HECTD3: variants seen among roughly 807,000 people sequenced by gnomAD.
HECTD3 encodes the protein E3 ubiquitin-protein ligase HECTD3.
Under a neutral mutation model 109.3 loss-of-function variants are expected in HECTD3, and 72 were observed. The observed-to-expected ratio is 0.66, with a 90% CI of 0.54 to 0.80. The LOEUF is 0.80. Among genes scored for constraint, HECTD3 ranks in the 30% least tolerant of loss-of-function variants. The probability of loss-of-function intolerance (pLI) is 0.00; values close to 1 mark genes in which losing one functional copy is unlikely to be tolerated. For synonymous variants in HECTD3, 481 were observed against 471.8 expected, an observed-to-expected ratio of 1.02 and a Z score of -0.25; for missense variants, 1,041 against 1,165.2, an observed-to-expected ratio of 0.89 and a Z score of 1.55.
In HECTD3 at chr1:45,004,755, T is replaced by G; in HGVS notation, c.1987A>C (p.Lys663Gln). The part of the protein sequence containing the change: ...EGMDKETFEF[K>Q]FGKELTFTTV... Reference sequence around the variant, plus strand: ...GTGAATGTTAGTTCCTTCCCAAACTTGAACTCAAACGTCTCCTTGTCCATT... The same window carrying G: ...GTGAATGTTAGTTCCTTCCCAAACTGGAACTCAAACGTCTCCTTGTCCATT... Residue 663 changes from lysine to glutamine, a missense_variant, in exon 16 of 21, where the codon AAG (lysine) becomes CAG (glutamine). Physicochemically the swap from Lys to Gln is moderately conservative, Grantham distance 53 (BLOSUM62 1). Around this residue, in one of 2 missense-constraint regions of HECTD3, gnomAD observed 569 missense variants for 715.3 expected, o/e 0.80. Transcript: ENST00000372172. 1 of 1,614,216 alleles carries G rather than the reference T, an allele frequency of 6.2e-7. No homozygotes were observed. The highest frequency in any genetic ancestry group is 8.5e-7 in the Non-Finnish European group (1 of 1,180,042).
In HECTD3 at chr1:45,006,582, G is replaced by A. The variant is rs561249684; in HGVS notation, c.1725+110C>T. The A allele has an allele frequency of 1.1e-4, 100 of 883,750 alleles. 2 individuals carry two copies. Among genetic ancestry groups the A allele is most frequent in the South Asian group, 8.7e-4 (52 of 59,762 alleles). 54.7% of individuals were successfully genotyped at this position (883,750 alleles called of 1,614,324 possible). On this transcript the variant is annotated intron_variant, in intron 13 of 20. Coordinates refer to ENST00000372172, the MANE Select transcript of HECTD3 (RefSeq NM_024602.6). The surrounding 1 kb of genome is among the most constrained non-coding windows in gnomAD (Gnocchi z 4.7). ...TTCCCAAAGTGCTGGGATTACAGGC[G>A]TGAGCCACTGTGCCTGCCCCCTTTC...
Position 45,007,405 on chromosome 1 carries a change from G to T in HECTD3, c.1503+8C>A. 6.2e-7 allele frequency: 1 copy of T among 1,613,876 alleles called. No individual in the cohort carries two copies. The highest frequency in any genetic ancestry group is 1.7e-5 in the Admixed American group (1 of 60,014). On this transcript the variant is annotated splice_region_variant and intron_variant, in intron 10 of 20. Transcript: ENST00000372172. The stretch of plus-strand genomic sequence containing the variant: ...TCCTATCTCAGTCGGACCCTAGGTG[G>T]TGCAGACCTGGGTGAAGACTGCATT...
Position 45,009,485 on chromosome 1 carries a change from G to A in HECTD3, c.876-3C>T, listed in dbSNP as rs1179124406. On this transcript the variant is annotated splice_region_variant and splice_polypyrimidine_tract_variant and intron_variant, in intron 5 of 20. Transcript: ENST00000372172. Reference sequence around the variant, plus strand: ...TATCCACTGTGAGTAGCAGCTTCCTGAAGGGTCAGAGTGTGAATATGAGTC... The same window carrying A: ...TATCCACTGTGAGTAGCAGCTTCCTAAAGGGTCAGAGTGTGAATATGAGTC... 14 of 1,612,554 alleles carry A rather than the reference G, an allele frequency of 8.7e-6. No individual in the cohort carries two copies. Among genetic ancestry groups the A allele is most frequent in the African/African-American group, 2.7e-5 (2 of 74,878 alleles).
chr1:45,004,018 C>T (rs1339055198), intron 18 of HECTD3, 42 bp downstream of exon 18: 4 of 1,613,284 alleles, frequency 2.5e-6, no homozygotes. Flanking sequence ...AACTCAGCAG[C>T]AGAGTCCAAA....
In HECTD3 at chr1:45,006,033, C is replaced by T; in HGVS notation, c.1809G>A (p.Gln603=). 6.2e-6 allele frequency: 10 copies of T among 1,614,186 alleles called. No individual in the cohort carries two copies. Among genetic ancestry groups the T allele is most frequent in the Non-Finnish European group, 8.5e-6 (10 of 1,180,040 alleles). ...RDFAKYEWIG[Q]LMGAALRGKE... ...TACCCCGAAGGGCAGCCCCCATCAG[C>T]TGTCCGATCCATTCATACTTGGCAA... The change falls in exon 14 of 21, where the codon CAG becomes CAA. Residue 603 remains glutamine, a synonymous_variant. Coordinates refer to ENST00000372172, the MANE Select transcript of HECTD3 (RefSeq NM_024602.6). The surrounding 1 kb of genome is among the most constrained non-coding windows in gnomAD (Gnocchi z 4.7).
At position 45,003,367 on chromosome 1, in the gene HECTD3, GGAGCAGGGCACATGGGGTTTTGCT is replaced by G. The variant is rs1292804226; in HGVS notation, c.*101_*124del. 2.5e-6 allele frequency: 2 copies of G among 798,054 alleles called. No individual in the cohort carries two copies. Among genetic ancestry groups the G allele is most frequent in the African/African-American group, 3.4e-5 (2 of 58,832 alleles). The allele number at this position is 798,054 out of a possible 1,614,324, so 49.4% of individuals were successfully genotyped here. On this transcript the variant is annotated 3_prime_UTR_variant, in exon 21 of 21. Transcript: ENST00000372172. The surrounding 1 kb of genome is among the most constrained non-coding windows in gnomAD (Gnocchi z 4.7). The stretch of plus-strand genomic sequence containing the variant: ...GCTGCCCCTACCCCAACTGCACACA[GGAGCAGGGCACATGGGGTTTTGCT>G]GAGCACGTCAGCCAAACCAGGGCAG...
At chr1:45,005,659 T>G in intron 15 of HECTD3, 135 bp downstream of exon 15, 1 of 662,992 alleles carries the variant, frequency 1.5e-6, no homozygotes, top group South Asian at 2.4e-5. Flanking sequence ...CTACAGACAG[T>G]AGTTGAAGCC....
At chr1:45,008,745 C>T (rs1644758186) in intron 7 of HECTD3, 44 bp from the exon 8 acceptor site, 1 of 1,577,672 alleles carries the variant, frequency 6.3e-7, no homozygotes, top group Non-Finnish European at 8.7e-7. Flanking sequence ...GCACCTGCTG[C>T]CTCCTTGGCC....
Position 45,010,622 on chromosome 1 carries a change from G to T in HECTD3, c.454C>A (p.Leu152Met), listed in dbSNP as rs1292011165. ...TGGTTGGGAGTGTCGATGGGTACCA[G>T]GCGGGCTCCGCCCTCCGCCGGGCGG... Reference protein sequence around the residue: ...VCRPAEGGARLVPIDTPNHLQ... With the variant: ...VCRPAEGGARMVPIDTPNHLQ... Residue 152 changes from leucine (L) to methionine (M), a missense_variant, in exon 2 of 21, where the codon CTG (leucine) becomes ATG (methionine). Leu to Met is a conservative substitution (Grantham distance 15). Coordinates refer to ENST00000372172, the MANE Select transcript of HECTD3 (RefSeq NM_024602.6). 6.2e-7 allele frequency: 1 copy of T among 1,611,470 alleles called. No individual in the cohort carries two copies.
chr1:45,003,760 A>C lies in HECTD3; in HGVS notation c.2430-20T>G, dbSNP rs758772726. 5 of 1,613,936 alleles carry C rather than the reference A, an allele frequency of 3.1e-6. No homozygotes were observed. The highest frequency in any genetic ancestry group is 4.2e-6 in the Non-Finnish European group (5 of 1,179,878). The stretch of plus-strand genomic sequence containing the variant: ...TCGTAGCTGGGGGCATTGAGGGACC[A>C]TAGGTCAGGAAGATGTGTTGGGGCA... On this transcript the variant is annotated intron_variant, in intron 19 of 20. Coordinates refer to ENST00000372172, the MANE Select transcript of HECTD3 (RefSeq NM_024602.6). This position sits in a 1 kb window ranked among gnomAD's most constrained non-coding sequence, Gnocchi z 4.7.
In HECTD3 at chr1:45,007,415, G is replaced by A; in HGVS notation, c.1501C>T (p.Gln501Ter). Residue 501 changes from glutamine (Q) to a stop codon, truncating the protein, a stop_gained and splice_region_variant, in exon 10 of 21, where the codon CAG becomes TAG. Coordinates refer to ENST00000372172, the MANE Select transcript of HECTD3 (RefSeq NM_024602.6). LOFTEE classifies it high-confidence loss of function. ...DPACKNAVFTQVYEGLKPSDK... is the reference protein window; with the variant it reads ...DPACKNAVFT ...GTCGGACCCTAGGTGGTGCAGACCTGGGTGAAGACTGCATTCTTGCAGGCA... is the reference window on the plus strand; with the variant it reads ...GTCGGACCCTAGGTGGTGCAGACCTAGGTGAAGACTGCATTCTTGCAGGCA... 6.2e-7 allele frequency: 1 copy of A among 1,614,066 alleles called. No individual in the cohort carries two copies.
Position 45,003,831 on chromosome 1 carries a change from T to C in HECTD3, c.2429+24A>G. On this transcript the variant is annotated intron_variant, in intron 19 of 20. Coordinates refer to ENST00000372172, the MANE Select transcript of HECTD3 (RefSeq NM_024602.6). This position sits in a 1 kb window ranked among gnomAD's most constrained non-coding sequence, Gnocchi z 4.7. ...GAGGACAGAAGGCGGCCATGGCACC[T>C]TCAGGCCTCCCTCCAGCACTCACCC... 1.2e-6 allele frequency: 2 copies of C among 1,612,746 alleles called. No individual in the cohort carries two copies. The highest frequency in any genetic ancestry group is 2.2e-5 in the East Asian group (1 of 44,824).
Position 45,004,073 on chromosome 1 carries a change from G to A in HECTD3, c.2334C>T (p.Asn778=), listed in dbSNP as rs1209683262. 2.5e-6 allele frequency: 4 copies of A among 1,613,932 alleles called. No homozygotes were observed. The African/African-American group carries it at 5.3e-5, about 22-fold the overall frequency. Residue 778 remains asparagine (N), a synonymous_variant, in exon 18 of 21, where the codon AAC becomes AAT. Transcript: ENST00000372172. The part of the protein sequence containing the change: ...SRVQYFWEAL[N]NFTNEDRSRF... Reference sequence around the variant, plus strand: ...TCCTCCACTGACCGTTGGTGAAGTTGTTCAGTGCCTCCCAGAAATACTGCA... The same window carrying A: ...TCCTCCACTGACCGTTGGTGAAGTTATTCAGTGCCTCCCAGAAATACTGCA...
rs748679536 is a variant in HECTD3 at position 45,011,196 on chromosome 1, C to T, written c.62G>A (p.Arg21His). The T allele has an allele frequency of 6.8e-7, 1 of 1,464,254 alleles. No homozygotes were observed. Among genetic ancestry groups the T allele is most frequent in the South Asian group, 1.3e-5 (1 of 75,572 alleles). 90.7% of individuals were successfully genotyped at this position (1,464,254 alleles called of 1,614,324 possible). Residue 21 changes from arginine (R) to histidine (H), a missense_variant, in exon 1 of 21, where the codon CGC becomes CAC. Physicochemically the swap from Arg to His is conservative, Grantham distance 29 (BLOSUM62 0). Transcript: ENST00000372172. ...GCTCCGCGCTGCCTCTGCCAAGAAG[C>T]GCACGCGGCCCAGCAGCTGCCGGGG... ...ESPRQLLGRV[R>H]FLAEAARSLR...
At chr1:45,007,851 C>T (rs1203991834) in intron 9 of HECTD3, among the ~76,000 whole-genome samples, 5 of 152,208 alleles carry the variant, frequency 3.3e-5, no homozygotes, top group Admixed American at 2.0e-4. Flanking sequence ...TGCTTCACAG[C>T]CTGGCCCACA....
rs199711680 is a variant in HECTD3 at position 45,010,155 on chromosome 1, C to T, written c.624-34G>A. 83 of 1,613,848 alleles carry T rather than the reference C, an allele frequency of 5.1e-5. No individual in the cohort carries two copies. The Admixed American group carries it at 1.4e-3, about 27-fold the overall frequency. On this transcript the variant is annotated intron_variant, in intron 3 of 20. Transcript: ENST00000372172. Reference sequence around the variant, plus strand: ...CCCCAAGCCCCTAATTAGACTGGGCCCAGACGCAGAGCTCCTTCCTCCCCA... The same window carrying T: ...CCCCAAGCCCCTAATTAGACTGGGCTCAGACGCAGAGCTCCTTCCTCCCCA...
At chr1:45,009,726 C>G (rs1249042000) in intron 4 of HECTD3, 43 bp from the exon 5 acceptor site, 6 of 1,450,928 alleles carry the variant, frequency 4.1e-6, no homozygotes, top group Non-Finnish European at 5.8e-6. Context: ...TACCCTCCCT[C>G]CCTGCACTGG....
Position 45,011,217 on chromosome 1 carries a change from CG to C in HECTD3, c.40del (p.Arg14GlyfsTer106). 14 of 1,423,932 alleles carry C rather than the reference CG, an allele frequency of 9.8e-6. No homozygotes were observed. The highest frequency in any genetic ancestry group is 3.0e-5 in the Admixed American group (1 of 33,334). The allele number at this position is 1,423,932 out of a possible 1,614,324, so 88.2% of individuals were successfully genotyped here. ...GAAGCGCACGCGGCCCAGCAGCTGCCGGGGGGACTCCAGCACCGCGCCCGGG... is the reference window on the plus strand; with the variant it reads ...GAAGCGCACGCGGCCCAGCAGCTGCCGGGGGACTCCAGCACCGCGCCCGGG... ...PGPGAVLESP[R>X]QLLGRVRFLA... On this transcript the variant is annotated frameshift_variant, in exon 1 of 21. Transcript: ENST00000372172. LOFTEE classifies it high-confidence loss of function.
In HECTD3 at chr1:45,004,311, G is replaced by C; in HGVS notation, c.2209C>G (p.Gln737Glu). 1 of 1,613,998 alleles carries C rather than the reference G, an allele frequency of 6.2e-7. No individual in the cohort carries two copies. Among genetic ancestry groups the C allele is most frequent in the Non-Finnish European group, 8.5e-7 (1 of 1,179,908 alleles). Residue 737 changes from glutamine (Q) to glutamate (E), a missense_variant, in exon 17 of 21, where the codon CAA (glutamine) becomes GAA (glutamate). Gln to Glu is a conservative substitution (Grantham distance 29). This residue lies in a region of HECTD3 where 569 missense variants were observed against 715.3 expected (regional missense o/e 0.80). Transcript: ENST00000372172. ...PQAVLDLLTW[Q>E]ELEKKVCGDP... ...CCACACACTTTCTTCTCCAACTCTT[G>C]CCAGGTCAGCAAGTCCAGCACAGCC...
Sources: allele counts gnomAD v4.1 joint callset (sites outside exome capture counted in the v4.1 genomes callset), GRCh38; gene constraint gnomAD v4.1.1; regional missense constraint gnomAD v4.1.1; non-coding constraint Gnocchi (gnomAD v3.1); transcripts MANE v1.5; gene names NCBI Gene and HGNC (gene_info 2026-07-23, HGNC 2026-07-21).